The following RAB3B variants were observed in gnomAD, a reference collection of about 807,000 sequenced individuals.
The protein encoded by RAB3B is RAB3B, member RAS oncogene family, also known as ras-related protein Rab-3B.
Under a neutral mutation model 20.5 loss-of-function variants are expected in RAB3B, and 11 were observed. The observed-to-expected ratio is 0.54, with a 90% CI of 0.34 to 0.89. RAB3B has a LOEUF of 0.89. Ranked by LOEUF, RAB3B falls within the 40% of genes least tolerant of loss-of-function variation. The pLI, the probability that RAB3B is intolerant of heterozygous loss-of-function variation, is 0.02. For missense variants in RAB3B, 225 were observed against 280.9 expected (o/e 0.80, Z 1.42); for synonymous variants, 99 against 106.3 (o/e 0.93, Z 0.42).
At position 51,975,530 on chromosome 1, in the gene RAB3B, T is replaced by C. The variant is rs540480522; in HGVS notation, c.228+1360A>G. Among the ~76,000 whole-genome samples, 87 of 152,320 alleles carry C rather than the reference T, an allele frequency of 5.7e-4. 3 individuals are homozygous for C. The South Asian group carries it at 0.017, about 29-fold the overall frequency. The stretch of plus-strand genomic sequence containing the variant: ...GGCTAAGGCTAACTCATAAGAGACA[T>C]TGCCACTTCCTCTGGCCTTTTACAT... On this transcript the variant is annotated intron_variant, in intron 2 of 4. Coordinates refer to ENST00000371655, the MANE Select transcript of RAB3B (RefSeq NM_002867.4).
intron 4 of RAB3B, among the ~76,000 whole-genome samples, chr1:51,924,216 G>A (rs1483814159): frequency 2.0e-5 from 3 of 152,196 alleles, no homozygotes; most frequent in Admixed American, 2.0e-4. Context: ...GGGACAGCAA[G>A]GTGAATCAGA....
chr1:51,948,427 G>GT (rs1684591807), intron 2 of RAB3B, among the ~76,000 whole-genome samples: 1 of 152,230 alleles, frequency 6.6e-6, no homozygotes, highest in East Asian at 1.9e-4. Flanking sequence ...ACTATTTAAA[G>GT]TGCCTAAAGG....
intron 1 of RAB3B, chr1:51,980,428 C>G (rs77875513): frequency 2.1e-6 from 1 of 480,214 alleles, no homozygotes; most frequent in African/African-American, 2.0e-5. Flanking sequence ...ACTGTCTCTA[C>G]CAAAAAAAAA....
chr1:51,942,088 T>G (rs907694361), intron 2 of RAB3B, among the ~76,000 whole-genome samples: 2 of 152,198 alleles, frequency 1.3e-5, no homozygotes, highest in Admixed American at 1.3e-4. Context: ...CTCCAAAGAA[T>G]AGACCTCCCA....
At chr1:51,980,888 T>A (rs1685078501) in intron 1 of RAB3B, 3 of 579,116 alleles carry the variant, frequency 5.2e-6, no homozygotes, top group African/African-American at 1.9e-5. Context: ...AATTGTACTT[T>A]AAAAAAAAGC....
intron 2 of RAB3B, among the ~76,000 whole-genome samples, chr1:51,943,581 T>G (rs1490440447): frequency 6.6e-6 from 1 of 152,196 alleles, no homozygotes; most frequent in Admixed American, 6.5e-5. Flanking sequence ...AGCCAAATTG[T>G]AAATGCAAAT....
chr1:51,990,158 T>C (rs1353285541), intron 1 of RAB3B, among the ~76,000 whole-genome samples: 2 of 101,126 alleles, frequency 2.0e-5, no homozygotes, highest in Non-Finnish European at 3.9e-5. Flanking sequence ...CCCCCTTCGC[T>C]GCCCCTCGGC....
At position 51,913,106 on chromosome 1, in the gene RAB3B, T is replaced by C. The variant is rs942741261; in HGVS notation, c.*6821A>G. On this transcript the variant is annotated 3_prime_UTR_variant, in exon 5 of 5. Coordinates refer to ENST00000371655, the MANE Select transcript of RAB3B (RefSeq NM_002867.4). The stretch of plus-strand genomic sequence containing the variant: ...TCTGCTGGGCTTCTGGCCAGGAACT[T>C]CCGGTAGGAATTACAACCATTATCT... 6 of 152,190 alleles carry C rather than the reference T, an allele frequency of 3.9e-5. No homozygotes were observed. Among genetic ancestry groups the C allele is most frequent in the African/African-American group, 7.2e-5 (3 of 41,446 alleles). The allele number at this position is 152,190 out of a possible 1,614,324, so 9.4% of individuals were successfully genotyped here. A position where few individuals can be genotyped will look rare whatever the true frequency, so the allele number is the denominator to read the frequency against.
chr1:51,965,638 C>T (rs1352399970), intron 2 of RAB3B, among the ~76,000 whole-genome samples: 1 of 146,328 alleles, frequency 6.8e-6, no homozygotes, highest in Admixed American at 6.8e-5. Context: ...CAGAGCAAGG[C>T]TCCATCTCAA....
At chr1:51,958,152 T>C (rs1684735263) in intron 2 of RAB3B, among the ~76,000 whole-genome samples, 1 of 152,198 alleles carries the variant, frequency 6.6e-6, no homozygotes, top group Non-Finnish European at 1.5e-5. Flanking sequence ...CATTTAATTG[T>C]TGACTGAGGT....
Position 51,977,103 on chromosome 1 carries a change from T to G in RAB3B, c.15A>C (p.Thr5=), listed in dbSNP as rs1260355037. The G allele has an allele frequency of 6.2e-7, 1 of 1,614,024 alleles. No homozygotes were observed. Among genetic ancestry groups the G allele is most frequent in the Non-Finnish European group, 8.5e-7 (1 of 1,179,986 alleles). The part of the protein sequence containing the change: MASV[T]DGKTGVKDAS... ...CATCTTTGACTCCAGTTTTACCATC[T>G]GTCACTGAAGCCATCTGCAAGAGAG... Residue 5 remains threonine (T), a synonymous_variant, in exon 2 of 5, where the codon ACA becomes ACC. Transcript: ENST00000371655.
chr1:51,923,214 G>GA (rs1275208616), intron 4 of RAB3B, among the ~76,000 whole-genome samples: 8 of 152,318 alleles, frequency 5.3e-5, no homozygotes, highest in African/African-American at 1.9e-4. Context: ...TTGCAGACAG[G>GA]AAAACTGAGA....
At chr1:51,966,392 T>C (rs756275252) in intron 2 of RAB3B, among the ~76,000 whole-genome samples, 11 of 152,222 alleles carry the variant, frequency 7.2e-5, no homozygotes, top group Non-Finnish European at 1.6e-4. Context: ...TCGCATATAA[T>C]ATGTACATGA....
chr1:51,975,217 AAAAAT>A (rs1412208877), intron 2 of RAB3B, among the ~76,000 whole-genome samples: 1 of 152,246 alleles, frequency 6.6e-6, no homozygotes, highest in African/African-American at 2.4e-5. Context: ...CTGTCTCGAA[AAAAAT>A]AAAATAAAAT....
At chr1:51,974,187 C>T (rs965697743) in intron 2 of RAB3B, among the ~76,000 whole-genome samples, 4 of 152,220 alleles carry the variant, frequency 2.6e-5, no homozygotes, top group African/African-American at 7.2e-5. Flanking sequence ...ATTCTGTGCT[C>T]TCACATCCCC....
chr1:51,947,975 TA>T (rs1684587280), intron 2 of RAB3B, among the ~76,000 whole-genome samples: 1 of 152,154 alleles, frequency 6.6e-6, no homozygotes, highest in East Asian at 1.9e-4. Flanking sequence ...GAAATCTACA[TA>T]CAGTAATTTC....
At chr1:51,922,482 C>A (rs1396762052) in intron 4 of RAB3B, among the ~76,000 whole-genome samples, 1 of 152,082 alleles carries the variant, frequency 6.6e-6, no homozygotes, top group African/African-American at 2.4e-5. Flanking sequence ...ATACTACCTA[C>A]CCCATAGGAT....
At chr1:51,931,988 CA>C (rs1165399224) in intron 4 of RAB3B, among the ~76,000 whole-genome samples, 2 of 152,006 alleles carry the variant, frequency 1.3e-5, no homozygotes, top group African/African-American at 4.8e-5. Flanking sequence ...GTCAATGGAC[CA>C]CATGGAGGCA....
chr1:51,989,046 T>C (rs1685185770), intron 1 of RAB3B, among the ~76,000 whole-genome samples: 1 of 149,572 alleles, frequency 6.7e-6, no homozygotes, highest in South Asian at 2.1e-4. Flanking sequence ...TTTCACGGCT[T>C]CCATTGTCTT....
Sources: allele counts gnomAD v4.1 joint callset (sites outside exome capture counted in the v4.1 genomes callset), GRCh38; gene constraint gnomAD v4.1.1; transcripts MANE v1.5; gene names NCBI Gene and HGNC (gene_info 2026-07-23, HGNC 2026-07-21).